Variants in MPP7 observed in about 807,000 individuals in gnomAD.
The protein encoded by MPP7 is MAGUK p55 scaffold protein 7, also known as MAGUK p55 subfamily member 7.
Under a neutral mutation model 76.5 loss-of-function variants are expected in MPP7, and 60 were observed. The ratio of observed to expected loss-of-function variants is 0.78; its 90% CI spans 0.64 to 0.97. The LOEUF (loss-of-function observed/expected upper bound fraction) is 0.97, where lower values mean the gene tolerates loss of function less well. Among genes scored for constraint, MPP7 ranks in the 50% least tolerant of loss-of-function variants. The pLI is 0.00. For synonymous variants in MPP7, 237 were observed against 244.5 expected, an observed-to-expected ratio of 0.97 and a Z score of 0.29; for missense variants, 641 against 694.0, an observed-to-expected ratio of 0.92 and a Z score of 0.86.
chr10:28,211,536 T>C (rs1838138994), intron 2 of MPP7, among the ~76,000 whole-genome samples: 1 of 152,042 alleles, frequency 6.6e-6, no homozygotes, highest in South Asian at 2.1e-4. Context: ...ATAAGATATA[T>C]ATAACTAACA....
intron 5 of MPP7, among the ~76,000 whole-genome samples, chr10:28,138,928 C>T (rs1420801413): frequency 6.6e-6 from 1 of 152,156 alleles, no homozygotes; most frequent in African/African-American, 2.4e-5. Context: ...GTGCTATGTG[C>T]TAGAAACAAA....
At chr10:28,272,790 T>TC (rs533151505) in intron 1 of MPP7, among the ~76,000 whole-genome samples, 143 of 152,294 alleles carry the variant, frequency 9.4e-4, no homozygotes, top group African/African-American at 3.4e-3. Context: ...TGCCTGGAGA[T>TC]GTTGGAGTCA....
chr10:28,188,228 G>A (rs1218080131), intron 3 of MPP7, among the ~76,000 whole-genome samples: 2 of 151,992 alleles, frequency 1.3e-5, no homozygotes, highest in African/African-American at 2.4e-5. Flanking sequence ...TAATATGCCC[G>A]CGACTTCATA....
intron 13 of MPP7, among the ~76,000 whole-genome samples, chr10:28,062,544 AC>A (rs1851832183): frequency 9.6e-6 from 1 of 103,744 alleles, no homozygotes; most frequent in Non-Finnish European, 1.7e-5. Context: ...ACACACACAC[AC>A]ACACACACAC....
At chr10:28,132,471 C>T (rs889413699) in intron 5 of MPP7, among the ~76,000 whole-genome samples, 1 of 152,120 alleles carries the variant, frequency 6.6e-6, no homozygotes, top group African/African-American at 2.4e-5. Flanking sequence ...TGCTCTGTTA[C>T]GCTGGCTGGA....
At chr10:28,298,017 G>C (rs1441623022) in intron 1 of MPP7, among the ~76,000 whole-genome samples, 4 of 152,230 alleles carry the variant, frequency 2.6e-5, no homozygotes, top group African/African-American at 9.6e-5. Flanking sequence ...TATTTTCAGG[G>C]TCTACTTCTA....
At chr10:28,189,011 C>T (rs907329941) in intron 3 of MPP7, among the ~76,000 whole-genome samples, 5 of 98,264 alleles carry the variant, frequency 5.1e-5, no homozygotes, top group African/African-American at 2.0e-4. Context: ...GTCAGACCCT[C>T]GGATCTACAC....
chr10:28,209,653 G>A (rs1289341187), intron 2 of MPP7, among the ~76,000 whole-genome samples: 1 of 152,080 alleles, frequency 6.6e-6, no homozygotes, highest in East Asian at 1.9e-4. Flanking sequence ...TACATCAAAG[G>A]CTTGTATTGA....
At chr10:28,107,519 G>A (rs994521619) in intron 11 of MPP7, among the ~76,000 whole-genome samples, 1 of 152,090 alleles carries the variant, frequency 6.6e-6, no homozygotes, top group African/African-American at 2.4e-5. Flanking sequence ...CTCTCAGGGG[G>A]TCTCCTTCCA....
intron 13 of MPP7, among the ~76,000 whole-genome samples, chr10:28,064,699 A>G (rs1368626310): frequency 6.6e-6 from 1 of 152,234 alleles, no homozygotes; most frequent in Non-Finnish European, 1.5e-5. Context: ...GTTATATCCC[A>G]AAGCTTAATT....
chr10:28,135,937 T>C (rs559327562), intron 5 of MPP7, among the ~76,000 whole-genome samples: 2 of 152,246 alleles, frequency 1.3e-5, no homozygotes, highest in South Asian at 2.1e-4. Flanking sequence ...AGGTGAGTAG[T>C]AGAGACTGAG....
intron 2 of MPP7, among the ~76,000 whole-genome samples, chr10:28,221,832 G>C (rs1480348302): frequency 6.6e-6 from 1 of 152,186 alleles, no homozygotes; most frequent in Admixed American, 6.5e-5. Context: ...ATATCGGAAA[G>C]AGAAGTTTAA....
chr10:28,121,356 T>TA (rs1289864892), intron 8 of MPP7, among the ~76,000 whole-genome samples: 1 of 150,756 alleles, frequency 6.6e-6, no homozygotes, highest in Non-Finnish European at 1.5e-5. Flanking sequence ...AAAACACCTA[T>TA]AATGTCAGTA....
At chr10:28,198,681 C>T (rs563800243) in intron 3 of MPP7, among the ~76,000 whole-genome samples, 13 of 150,602 alleles carry the variant, frequency 8.6e-5, no homozygotes, top group Middle Eastern at 3.4e-3. Flanking sequence ...CAAAAACACA[C>T]AGAAACATAA....
At chr10:28,205,930 T>A (rs1408942051) in intron 2 of MPP7, among the ~76,000 whole-genome samples, 1 of 152,118 alleles carries the variant, frequency 6.6e-6, no homozygotes, top group Non-Finnish European at 1.5e-5. Context: ...CTCATTATCT[T>A]GGGAATGGGT....
In MPP7 at chr10:28,309,078, CCCAG is replaced by C. The variant is rs1295059158; in HGVS notation, c.-132+20847_-132+20850del. On this transcript the variant is annotated intron_variant, in intron 2 of 11. Transcript: ENST00000441595. Reference sequence around the variant, plus strand: ...AGCCTTCAGTTCAGAGATGTGGGGACCCAGCATTCCACATTTAACTTTATGGTCT... The same window carrying C: ...AGCCTTCAGTTCAGAGATGTGGGGACCATTCCACATTTAACTTTATGGTCT... Among the ~76,000 whole-genome samples, 3 of 152,202 alleles carry C rather than the reference CCCAG, an allele frequency of 2.0e-5. No individual in the cohort carries two copies. In the East Asian group the frequency reaches 5.8e-4, roughly 29 times the overall value.
At chr10:28,304,878 C>T (rs1055149028), upstream of MPP7, among the ~76,000 whole-genome samples, 2 of 151,992 alleles carry the variant, frequency 1.3e-5, no homozygotes, top group Non-Finnish European at 2.9e-5. Context: ...ATACTAGATA[C>T]TGCAATGAAC....
chr10:28,240,647 G>A (rs371669410), intron 1 of MPP7, among the ~76,000 whole-genome samples: 14 of 152,116 alleles, frequency 9.2e-5, no homozygotes, highest in South Asian at 2.1e-4. Context: ...TAATGCACAC[G>A]TATGGAGCTG....
intron 1 of MPP7, among the ~76,000 whole-genome samples, chr10:28,284,007 G>A (rs1840740558): frequency 6.6e-6 from 1 of 152,138 alleles, no homozygotes; most frequent in Non-Finnish European, 1.5e-5. Flanking sequence ...CAGAAGCCAA[G>A]TCAAAATCAC....
Sources: gnomAD v4.1 joint callset for allele counts (sites outside exome capture counted in the v4.1 genomes callset) on GRCh38, gnomAD v4.1.1 for gene constraint, MANE v1.5 for transcripts, NCBI Gene and HGNC (gene_info 2026-07-23, HGNC 2026-07-21) for gene names.